Variants in FAT3 observed in about 807,000 individuals in gnomAD.
FAT3 encodes protocadherin Fat 3.
Under a neutral mutation model 310.2 loss-of-function variants are expected in FAT3, and 95 were observed. That is an observed-to-expected ratio of 0.31 (90% CI 0.26 to 0.36). FAT3 has a LOEUF of 0.36. Among genes scored for constraint, FAT3 ranks in the 10% least tolerant of loss-of-function variants. The pLI is 1.00. For synonymous variants in FAT3, 2,314 were observed against 2,192.9 expected (o/e 1.06, Z -1.54); for missense variants, 5,408 against 5,715.6 (o/e 0.95, Z 1.74).
chr11:92,289,607 G>A (rs532057398), intron 1 of FAT3, among the ~76,000 whole-genome samples: 13 of 151,924 alleles, frequency 8.6e-5, no homozygotes, highest in East Asian at 3.9e-4. Context: ...CCTGTTGGCC[G>A]TATCTTCAGA....
At chr11:92,790,248 A>G (rs1177692130) in intron 8 of FAT3, 30 bp downstream of exon 8, 2 of 1,608,326 alleles carry the variant, frequency 1.2e-6, no homozygotes, top group Admixed American at 3.3e-5. Flanking sequence ...TAGCACTCCT[A>G]CAGAACCACT....
At position 92,831,771 on chromosome 11, in the gene FAT3, A is replaced by G; in HGVS notation, c.9631A>G (p.Ser3211Gly). 6.2e-7 allele frequency: 1 copy of G among 1,613,588 alleles called. No individual in the cohort carries two copies. Among genetic ancestry groups the G allele is most frequent in the Non-Finnish European group, 8.5e-7 (1 of 1,179,780 alleles). Residue 3211 changes from serine to glycine, a missense_variant, in exon 14 of 28, where the codon AGT becomes GGT. By Grantham distance (56) the Ser-to-Gly change is moderately conservative. Coordinates refer to ENST00000525166, the MANE Select transcript of FAT3 (RefSeq NM_001367949.2). ...CATCAGCGTGCGGGCCACTGACCAG[A>G]GTCCTGGACAGTCCCTGTCCTCTCT... ...YNISVRATDQ[S>G]PGQSLSSLTT...
At chr11:92,841,618 G>A (rs1307452224) in intron 18 of FAT3, among the ~76,000 whole-genome samples, 2 of 152,154 alleles carry the variant, frequency 1.3e-5, no homozygotes, top group Non-Finnish European at 2.9e-5. Flanking sequence ...TATATCACAG[G>A]GTAGTACTCA....
chr11:92,423,208 G>A (rs887998134), intron 2 of FAT3, among the ~76,000 whole-genome samples: 1 of 152,114 alleles, frequency 6.6e-6, no homozygotes, highest in Non-Finnish European at 1.5e-5. Flanking sequence ...GACAGCCATG[G>A]ATTCCTCCAA....
chr11:92,339,530 G>T (rs1259034472), intron 1 of FAT3, among the ~76,000 whole-genome samples: 1 of 152,184 alleles, frequency 6.6e-6, no homozygotes, highest in Non-Finnish European at 1.5e-5. Flanking sequence ...TAGTCAAATA[G>T]TCTTACTAAA....
At chr11:92,613,136 G>A (rs142527634) in intron 3 of FAT3, among the ~76,000 whole-genome samples, 109 of 152,146 alleles carry the variant, frequency 7.2e-4, no homozygotes, top group African/African-American at 2.3e-3. Context: ...AGTATTCAAT[G>A]GGCTCCATAT....
In FAT3 at chr11:92,696,736, A is replaced by G. The variant is rs1038617835; in HGVS notation, c.3608-648A>G. On this transcript the variant is annotated intron_variant, in intron 3 of 27. Coordinates refer to ENST00000525166, the MANE Select transcript of FAT3 (RefSeq NM_001367949.2). ...TTCTCATTTTCTTTTCTTTGTCTTT[A>G]TACTCAAAGGGGTGATTCACTTATG... 5.9e-5 allele frequency among the ~76,000 whole-genome samples: 9 copies of G among 152,200 alleles called. No individual in the cohort carries two copies. The South Asian group carries it at 1.9e-3, about 31-fold the overall frequency.
intron 2 of FAT3, among the ~76,000 whole-genome samples, chr11:92,391,469 A>G (rs555830830): frequency 1.3e-5 from 2 of 152,266 alleles, no homozygotes; most frequent in African/African-American, 4.8e-5. Flanking sequence ...CTGCAGGCAA[A>G]TAGTTCTTTA....
intron 3 of FAT3, among the ~76,000 whole-genome samples, chr11:92,535,317 A>G (rs1485494726): frequency 6.6e-6 from 1 of 152,148 alleles, no homozygotes; most frequent in Non-Finnish European, 1.5e-5. Flanking sequence ...ACAGGGAAGG[A>G]TGCTTCCCTA....
intron 1 of FAT3, among the ~76,000 whole-genome samples, chr11:92,254,556 A>T (rs1341330074): frequency 1.3e-5 from 2 of 152,218 alleles, no homozygotes; most frequent in East Asian, 3.9e-4. Context: ...TAGTGGGGAG[A>T]CTTGGATAAA....
intron 19 of FAT3, among the ~76,000 whole-genome samples, chr11:92,853,944 A>G (rs1253758818): frequency 6.6e-6 from 1 of 152,114 alleles, no homozygotes; most frequent in East Asian, 1.9e-4. Flanking sequence ...AAGGTGGGGC[A>G]TCACTGGGGA....
intron 6 of FAT3, 143 bp from the exon 7 acceptor site, chr11:92,773,898 C>T (rs934619607): frequency 8.4e-5 from 58 of 691,704 alleles, no homozygotes; most frequent in Middle Eastern, 2.7e-4. Flanking sequence ...ATAAAGAGGT[C>T]CCATTTAAGA....
intron 4 of FAT3, among the ~76,000 whole-genome samples, chr11:92,723,117 C>T (rs1367306373): frequency 6.6e-6 from 1 of 152,160 alleles, no homozygotes; most frequent in East Asian, 1.9e-4. Context: ...CATTGTCAAG[C>T]TGCAAATTTT....
chr11:92,692,604 G>T (rs147376221), intron 3 of FAT3, among the ~76,000 whole-genome samples: 157 of 152,260 alleles, frequency 1.0e-3, no homozygotes, highest in African/African-American at 3.1e-3. Flanking sequence ...TTAATTACAT[G>T]CAACATGCCA....
In FAT3 at chr11:92,336,099, T is replaced by A. The variant is rs905147780; in HGVS notation, c.-17-15997T>A. 3 of 519,172 alleles carry A rather than the reference T, an allele frequency of 5.8e-6. No homozygotes were observed. In the Admixed American group the frequency reaches 6.7e-5, roughly 12 times the overall value. The allele number at this position is 519,172 out of a possible 1,614,324, so 32.2% of individuals were successfully genotyped here. A position where few individuals can be genotyped will look rare whatever the true frequency, so the allele number is the denominator to read the frequency against. On this transcript the variant is annotated intron_variant, in intron 1 of 27. Coordinates refer to ENST00000525166, the MANE Select transcript of FAT3 (RefSeq NM_001367949.2). ...GCAGTTGGATTCCATGATGGGAAGG[T>A]CTTTGGCCTCTCGGTATTTCACAAG...
chr11:92,377,438 T>G (rs1009384177), intron 2 of FAT3, among the ~76,000 whole-genome samples: 31 of 152,316 alleles, frequency 2.0e-4, no homozygotes, highest in African/African-American at 7.5e-4. Flanking sequence ...TGTATTAAGA[T>G]TCTGTTCAGC....
At position 92,271,024 on chromosome 11, in the gene FAT3, A is replaced by G. The variant is rs114063697; in HGVS notation, c.-18+45850A>G. On this transcript the variant is annotated intron_variant, in intron 1 of 27. Transcript: ENST00000525166. ...GCCACTTCTCGTCATTTTTGTTATTATAACCCCTGTTCAAGCCATCAGGAT... is the reference window on the plus strand; with the variant it reads ...GCCACTTCTCGTCATTTTTGTTATTGTAACCCCTGTTCAAGCCATCAGGAT... Among the ~76,000 whole-genome samples the G allele has an allele frequency of 2.1e-3, 317 of 152,130 alleles. 4 individuals are homozygous for G. Among genetic ancestry groups the G allele is most frequent in the African/African-American group, 6.8e-3 (283 of 41,536 alleles).
intron 1 of FAT3, among the ~76,000 whole-genome samples, chr11:92,231,535 G>A (rs1864180122): frequency 6.6e-6 from 1 of 152,108 alleles, no homozygotes; most frequent in Non-Finnish European, 1.5e-5. Context: ...GAAAGGTTAA[G>A]TGGAAGTTTA....
chr11:92,555,133 T>C (rs1954973292), intron 3 of FAT3, among the ~76,000 whole-genome samples: 8 of 152,210 alleles, frequency 5.3e-5, no homozygotes, highest in Admixed American at 5.2e-4. Flanking sequence ...GACTAGTTGG[T>C]GCTTTCAATT....
Sources: allele counts gnomAD v4.1 joint callset (sites outside exome capture counted in the v4.1 genomes callset), GRCh38; gene constraint gnomAD v4.1.1; transcripts MANE v1.5; gene names NCBI Gene and HGNC (gene_info 2026-07-23, HGNC 2026-07-21).